COMMD10: variants seen among roughly 807,000 people sequenced by gnomAD.
COMMD10 encodes the protein COMM domain-containing protein 10.
In COMMD10, 33 loss-of-function variants were observed where a neutral mutation model predicts 28.9. The ratio of observed to expected loss-of-function variants is 1.14; its 90% CI spans 0.87 to 1.53. COMMD10 has a LOEUF of 1.53. Among genes scored for constraint, COMMD10 ranks in the 40% most tolerant of loss-of-function variants. COMMD10 has a pLI of 0.00. For missense variants in COMMD10, 310 were observed against 233.4 expected (o/e 1.33, Z -2.14); for synonymous variants, 110 against 81.7 (o/e 1.35, Z -1.87).
chr5:116,280,863 G>A (rs867010880), intron 5 of COMMD10, among the ~76,000 whole-genome samples: 1 of 151,734 alleles, frequency 6.6e-6, no homozygotes, highest in Non-Finnish European at 1.5e-5. Context: ...TGCCTAATGA[G>A]TTTTGTTTTA....
intron 5 of COMMD10, among the ~76,000 whole-genome samples, chr5:116,211,456 C>G (rs949064805): frequency 6.6e-6 from 1 of 152,060 alleles, no homozygotes; most frequent in South Asian, 2.1e-4. Context: ...GGTTGCACTA[C>G]CACATTATGA....
chr5:116,148,310 T>C (rs1307913785), intron 5 of COMMD10, among the ~76,000 whole-genome samples: 2 of 151,924 alleles, frequency 1.3e-5, no homozygotes, highest in African/African-American at 2.4e-5. Context: ...TCATGAGGTT[T>C]CTAAACCATG....
intron 5 of COMMD10, among the ~76,000 whole-genome samples, chr5:116,146,691 G>A (rs1752361135): frequency 6.6e-6 from 1 of 151,794 alleles, no homozygotes; most frequent in Non-Finnish European, 1.5e-5. Context: ...TTAATGGATT[G>A]TGGGGATTTT....
chr5:116,186,481 ACT>A (rs1748142977), intron 5 of COMMD10, among the ~76,000 whole-genome samples: 1 of 151,924 alleles, frequency 6.6e-6, no homozygotes, highest in African/African-American at 2.4e-5. Flanking sequence ...ACTGGGAAAC[ACT>A]CTCTGCCTTC....
At chr5:116,088,266 C>T (rs1461040721) in intron 2 of COMMD10, among the ~76,000 whole-genome samples, 1 of 152,182 alleles carries the variant, frequency 6.6e-6, no homozygotes, top group Non-Finnish European at 1.5e-5. Flanking sequence ...GGCCAAGAGC[C>T]AGCCTCAAAA....
chr5:116,144,158 A>G (rs1580485173), intron 5 of COMMD10, among the ~76,000 whole-genome samples: 1 of 151,998 alleles, frequency 6.6e-6, no homozygotes, highest in East Asian at 1.9e-4. Context: ...CATTGAGTTT[A>G]TAATTTCAGT....
intron 2 of COMMD10, among the ~76,000 whole-genome samples, chr5:116,090,075 C>A (rs1478895730): frequency 6.6e-6 from 1 of 152,110 alleles, no homozygotes. Flanking sequence ...TAAGTTTGAC[C>A]TGTTTATGGG....
At chr5:116,226,138 C>T (rs1202476942) in intron 5 of COMMD10, among the ~76,000 whole-genome samples, 2 of 151,958 alleles carry the variant, frequency 1.3e-5, no homozygotes, top group African/African-American at 4.8e-5. Flanking sequence ...ATAAAACTCT[C>T]TTCAGCCTTA....
At chr5:116,205,251 A>G (rs899371127) in intron 5 of COMMD10, among the ~76,000 whole-genome samples, 3 of 152,110 alleles carry the variant, frequency 2.0e-5, no homozygotes, top group South Asian at 4.1e-4. Flanking sequence ...TTTTTCATGG[A>G]CCTGTATTTT....
intron 5 of COMMD10, among the ~76,000 whole-genome samples, chr5:116,169,661 C>T (rs1436918675): frequency 2.6e-5 from 4 of 152,136 alleles, no homozygotes; most frequent in South Asian, 2.1e-4. Context: ...AGCTTCATCC[C>T]TGGGATGCAA....
intron 5 of COMMD10, among the ~76,000 whole-genome samples, chr5:116,212,514 G>GTT (rs1280975449): frequency 3.4e-5 from 5 of 148,792 alleles, no homozygotes; most frequent in Admixed American, 6.9e-5. Context: ...GTGTGTGTGT[G>GTT]TGTGTGTGTA....
chr5:116,258,638 TTTTCTGATATTGCTAAAAAGA>T (rs1378060171), intron 5 of COMMD10, among the ~76,000 whole-genome samples: 1 of 151,874 alleles, frequency 6.6e-6, no homozygotes, highest in Non-Finnish European at 1.5e-5. Flanking sequence ...TTCTATTGAC[TTTTCTGATATTGCTAAAAAGA>T]TTTCTGATAT....
chr5:116,186,331 A>G (rs1748138125), intron 5 of COMMD10, among the ~76,000 whole-genome samples: 1 of 152,068 alleles, frequency 6.6e-6, no homozygotes, highest in African/African-American at 2.4e-5. Context: ...CAGCTTTCCC[A>G]TTACCTTCTG....
At chr5:116,286,680 T>G (rs1751227932) in intron 5 of COMMD10, among the ~76,000 whole-genome samples, 1 of 151,780 alleles carries the variant, frequency 6.6e-6, no homozygotes, top group African/African-American at 2.4e-5. Context: ...CAGTTTTCCT[T>G]GTGCTACTGG....
intron 5 of COMMD10, chr5:116,255,680 A>C (rs2112679245): frequency 6.6e-6 from 1 of 151,700 alleles, no homozygotes; most frequent in South Asian, 2.1e-4. Context: ...TAATAGCATA[A>C]GCTAACACTG....
intron 5 of COMMD10, among the ~76,000 whole-genome samples, chr5:116,146,402 T>C (rs1752351934): frequency 6.6e-6 from 1 of 151,878 alleles, no homozygotes; most frequent in African/African-American, 2.4e-5. Context: ...GTTGTTTGAA[T>C]TATATTAGCT....
chr5:116,234,392 A>C (rs754228605), intron 5 of COMMD10, among the ~76,000 whole-genome samples: 35 of 152,198 alleles, frequency 2.3e-4, no homozygotes, highest in Non-Finnish European at 4.3e-4. Flanking sequence ...AAAAGAAAAA[A>C]ATTTCAATTT....
intron 4 of COMMD10, among the ~76,000 whole-genome samples, chr5:116,101,545 G>A (rs1470065401): frequency 1.3e-5 from 2 of 152,062 alleles, no homozygotes; most frequent in Non-Finnish European, 2.9e-5. Flanking sequence ...TCCCACCTCA[G>A]CCTCCTGAGT....
intron 6 of COMMD10, 44 bp downstream of exon 6, chr5:116,291,620 C>T (rs1394018004): frequency 8.9e-7 from 1 of 1,119,704 alleles, no homozygotes; most frequent in Non-Finnish European, 1.3e-6. Flanking sequence ...GAGTTTTTTT[C>T]ATAATATTTT....
Sources: allele counts gnomAD v4.1 joint callset (sites outside exome capture counted in the v4.1 genomes callset), GRCh38; gene constraint gnomAD v4.1.1; transcripts MANE v1.5; gene names NCBI Gene and HGNC (gene_info 2026-07-23, HGNC 2026-07-21).